FIP1L1: variants seen among roughly 807,000 people sequenced by gnomAD.
FIP1L1 encodes the protein pre-mRNA 3'-end-processing factor FIP1.
A neutral mutation model predicts 84.6 loss-of-function variants in FIP1L1; 21 were observed. The ratio of observed to expected loss-of-function variants is 0.25; its 90% CI spans 0.18 to 0.36. FIP1L1 has a LOEUF of 0.36. Among genes scored for constraint, FIP1L1 ranks in the 10% least tolerant of loss-of-function variants. The pLI, the probability that FIP1L1 is intolerant of heterozygous loss-of-function variation, is 1.00. For missense variants in FIP1L1, 526 were observed against 751.1 expected, an observed-to-expected ratio of 0.70 and a Z score of 3.50; for synonymous variants, 263 against 242.3, an observed-to-expected ratio of 1.09 and a Z score of -0.80.
intron 13 of FIP1L1, among the ~76,000 whole-genome samples, chr4:53,437,498 T>A (rs1332010694): frequency 6.6e-6 from 1 of 151,802 alleles, no homozygotes; most frequent in Non-Finnish European, 1.5e-5. Context: ...AGCAGTGAAA[T>A]TAGGAGGGAA....
intron 15 of FIP1L1, among the ~76,000 whole-genome samples, chr4:53,446,245 A>T (rs1304139097): frequency 1.1e-4 from 17 of 151,662 alleles, no homozygotes; most frequent in Admixed American, 1.1e-3. Context: ...CTTGGGTTGT[A>T]ATCTTGATTC....
Position 53,460,852 on chromosome 4 carries a change from T to TCAA in FIP1L1, c.*1405_*1407dup. The TCAA allele has an allele frequency of 6.8e-7, 1 of 1,481,076 alleles. No individual in the cohort carries two copies. Among genetic ancestry groups the TCAA allele is most frequent in the South Asian group, 1.3e-5 (1 of 78,954 alleles). 91.7% of individuals were successfully genotyped at this position (1,481,076 alleles called of 1,614,324 possible). ...AAACTGACAAGATAAATATAGTGTT[T>TCAA]CAACTTCTTAGCCTATTTGTGATTT... On this transcript the variant is annotated 3_prime_UTR_variant, in exon 18 of 18. Transcript: ENST00000337488.
chr4:53,430,545 C>T (rs575672316), intron 13 of FIP1L1, among the ~76,000 whole-genome samples: 1 of 151,812 alleles, frequency 6.6e-6, no homozygotes, highest in East Asian at 1.9e-4. Context: ...TCGCCATGTC[C>T]AGGCTGGTCT....
intron 11 of FIP1L1, among the ~76,000 whole-genome samples, chr4:53,418,311 G>A (rs1760740212): frequency 6.6e-6 from 1 of 151,986 alleles, no homozygotes; most frequent in Admixed American, 6.6e-5. Context: ...ATAAATAACA[G>A]TTATTATATT....
At chr4:53,386,570 G>A (rs899702425) in intron 5 of FIP1L1, among the ~76,000 whole-genome samples, 1 of 152,232 alleles carries the variant, frequency 6.6e-6, no homozygotes, top group African/African-American at 2.4e-5. Context: ...AGGTGTTGAA[G>A]AGAAGATCCC....
At chr4:53,444,379 C>T (rs10028131) in intron 15 of FIP1L1, among the ~76,000 whole-genome samples, 19,780 of 152,162 alleles carry the variant, frequency 0.13, 2,570 homozygotes, top group African/African-American at 0.32. Context: ...ACCAATTTGT[C>T]TCAATCTTCG....
At chr4:53,434,170 A>G (rs191611799) in intron 13 of FIP1L1, among the ~76,000 whole-genome samples, 4 of 152,322 alleles carry the variant, frequency 2.6e-5, no homozygotes, top group Non-Finnish European at 5.9e-5. Flanking sequence ...TTTTAATATT[A>G]GAAGTTAAAA....
At chr4:53,439,908 A>G (rs1771141637) in intron 13 of FIP1L1, among the ~76,000 whole-genome samples, 1 of 152,034 alleles carries the variant, frequency 6.6e-6, no homozygotes, top group East Asian at 1.9e-4. Flanking sequence ...TTTATTCCTC[A>G]GAGTTTATAA....
At chr4:53,379,660 G>C (rs1736734678) in intron 3 of FIP1L1, among the ~76,000 whole-genome samples, 1 of 152,132 alleles carries the variant, frequency 6.6e-6, no homozygotes. Flanking sequence ...TAACATTTTT[G>C]ATGATATAAT....
At chr4:53,427,891 C>A in intron 12 of FIP1L1, 136 bp from the exon 13 acceptor site, 1 of 681,530 alleles carries the variant, frequency 1.5e-6, no homozygotes, top group Non-Finnish European at 2.4e-6. Context: ...AGAACTATTA[C>A]TCTCCCCCCA....
chr4:53,457,729 G>A (rs1720045458), intron 16 of FIP1L1, among the ~76,000 whole-genome samples: 1 of 152,014 alleles, frequency 6.6e-6, no homozygotes, highest in Admixed American at 6.6e-5. Context: ...TTTATTCTAA[G>A]TGAATTTACT....
rs1378169531 is a variant in FIP1L1 at position 53,433,477 on chromosome 4, T to C, written c.1174+5294T>C. ...TATGGTAGGCTTTAATTTAGGCTTT[T>C]AAATGTTAATTTACTTCAGTGTCAT... On this transcript the variant is annotated intron_variant, in intron 13 of 17. Coordinates refer to ENST00000337488, the MANE Select transcript of FIP1L1 (RefSeq NM_030917.4). Among the ~76,000 whole-genome samples, 5 of 151,464 alleles carry C rather than the reference T, an allele frequency of 3.3e-5. No homozygotes were observed. In the Admixed American group the frequency reaches 3.3e-4, roughly 10 times the overall value.
chr4:53,393,388 T>A (rs1745335771), intron 9 of FIP1L1, among the ~76,000 whole-genome samples: 1 of 152,248 alleles, frequency 6.6e-6, no homozygotes, highest in South Asian at 2.1e-4. Flanking sequence ...CTCTTTAAGA[T>A]AACTTTATTT....
chr4:53,417,642 C>CAAAAAAAA (rs57635694), intron 11 of FIP1L1, among the ~76,000 whole-genome samples: 6 of 46,352 alleles, frequency 1.3e-4, no homozygotes, highest in South Asian at 6.6e-4. Context: ...AACTCCTTCT[C>CAAAAAAAA]AAAAAAAAAA....
In FIP1L1 at chr4:53,444,121, G is replaced by T. The variant is rs1369334448; in HGVS notation, c.1285+18G>T. ...TGGCAATGGTAAGTAGTATTATTTAGATGCCTAGATTCAGTTTGAATCAGT... is the reference window on the plus strand; with the variant it reads ...TGGCAATGGTAAGTAGTATTATTTATATGCCTAGATTCAGTTTGAATCAGT... On this transcript the variant is annotated intron_variant, in intron 15 of 17. Transcript: ENST00000337488. The T allele has an allele frequency of 1.3e-6, 2 of 1,490,212 alleles. No individual in the cohort carries two copies. The highest frequency in any genetic ancestry group is 9.4e-7 in the Non-Finnish European group (1 of 1,066,900). The allele number at this position is 1,490,212 out of a possible 1,614,324, so 92.3% of individuals were successfully genotyped here.
At chr4:53,445,886 G>A (rs1341121103) in intron 15 of FIP1L1, among the ~76,000 whole-genome samples, 1 of 152,172 alleles carries the variant, frequency 6.6e-6, no homozygotes, top group Non-Finnish European at 1.5e-5. Flanking sequence ...AGAGAGGGAT[G>A]TTTTGGGGTG....
rs936163483 is a variant in FIP1L1 at position 53,460,526 on chromosome 4, T to A, written c.*1077T>A. ...CTCAGCAATGCATTTTAAAAAATAT[T>A]TTAGCTGTAAATTAAAAATGGCCAT... On this transcript the variant is annotated 3_prime_UTR_variant, in exon 18 of 18. Coordinates refer to ENST00000337488, the MANE Select transcript of FIP1L1 (RefSeq NM_030917.4). 1 of 207,690 alleles carries A rather than the reference T, an allele frequency of 4.8e-6. No homozygotes were observed. Among genetic ancestry groups the A allele is most frequent in the African/African-American group, 2.3e-5 (1 of 43,726 alleles). 12.9% of individuals were successfully genotyped at this position (207,690 alleles called of 1,614,324 possible).
intron 10 of FIP1L1, among the ~76,000 whole-genome samples, chr4:53,406,012 C>T (rs1753203938): frequency 1.3e-5 from 2 of 152,036 alleles, no homozygotes; most frequent in Admixed American, 1.3e-4. Context: ...CCTTCTCCTG[C>T]CTAATTGCCC....
At chr4:53,452,010 A>G (rs886468881) in intron 15 of FIP1L1, among the ~76,000 whole-genome samples, 10 of 151,626 alleles carry the variant, frequency 6.6e-5, no homozygotes, top group African/African-American at 2.4e-4. Context: ...CAGCCTCCCG[A>G]GTAGCTGCGA....
Sources: gnomAD v4.1 joint callset for allele counts (sites outside exome capture counted in the v4.1 genomes callset) on GRCh38, gnomAD v4.1.1 for gene constraint, MANE v1.5 for transcripts, NCBI Gene and HGNC (gene_info 2026-07-23, HGNC 2026-07-21) for gene names.